The following PARD3B variants were observed in gnomAD, a reference collection of about 807,000 sequenced individuals.
PARD3B encodes the protein par-3 family cell polarity regulator beta.
A neutral mutation model predicts 130.2 loss-of-function variants in PARD3B; 103 were observed. The observed-to-expected ratio is 0.79, with a 90% CI of 0.67 to 0.93. The LOEUF (loss-of-function observed/expected upper bound fraction) is 0.93. PARD3B is among the 40% of genes least tolerant of loss of function. The pLI, the probability that PARD3B is intolerant of heterozygous loss-of-function variation, is 0.00. For missense variants in PARD3B, 1,609 were observed against 1,499.2 expected, an observed-to-expected ratio of 1.07 and a Z score of -1.21; for synonymous variants, 583 against 553.2, an observed-to-expected ratio of 1.05 and a Z score of -0.76.
At chr2:205,090,862 G>A (rs1702061312) in intron 4 of PARD3B, among the ~76,000 whole-genome samples, 1 of 152,188 alleles carries the variant, frequency 6.6e-6, no homozygotes, top group African/African-American at 2.4e-5. Flanking sequence ...AAGCTGGTTT[G>A]TAGCTCTTAG....
intron 2 of PARD3B, among the ~76,000 whole-genome samples, chr2:204,902,077 CTCCCT>C (rs1414480924): frequency 5.3e-5 from 8 of 152,202 alleles, no homozygotes; most frequent in Non-Finnish European, 5.9e-5. Flanking sequence ...GGTGCAAGTA[CTCCCT>C]TGCTGCCTGG....
intron 3 of PARD3B, among the ~76,000 whole-genome samples, chr2:205,004,644 A>T (rs1320669205): frequency 6.6e-6 from 1 of 152,208 alleles, no homozygotes; most frequent in Non-Finnish European, 1.5e-5. Context: ...TTAAGTTGCC[A>T]AGGCAATGTC....
At chr2:205,442,241 T>C (rs2047739628) in intron 20 of PARD3B, among the ~76,000 whole-genome samples, 1 of 150,518 alleles carries the variant, frequency 6.6e-6, no homozygotes, top group South Asian at 2.1e-4. Flanking sequence ...GTCCAATACA[T>C]ATGGGGAATT....
rs2039495561 is a variant in PARD3B, at chr2:205,244,694, T to G, written c.2141-1084T>G. Among the ~76,000 whole-genome samples, 1 of 152,122 alleles carries G rather than the reference T, an allele frequency of 6.6e-6. No individual in the cohort carries two copies. The highest frequency in any genetic ancestry group is 2.4e-5 in the African/African-American group (1 of 41,414). Reference sequence around the variant, plus strand: ...AAACACATTTTTTTTTTCAAAAAACTACTATAGGGCGACCCATGTTATCTA... The same window carrying G: ...AAACACATTTTTTTTTTCAAAAAACGACTATAGGGCGACCCATGTTATCTA... On this transcript the variant is annotated intron_variant, in intron 15 of 22. Coordinates refer to ENST00000406610, the MANE Select transcript of PARD3B (RefSeq NM_001302769.2). This position sits in a 1 kb window ranked among gnomAD's most constrained non-coding sequence, Gnocchi z 4.7.
chr2:205,457,487 T>A lies in PARD3B; in HGVS notation c.3044+16815T>A, dbSNP rs552931504. Among the ~76,000 whole-genome samples the A allele has an allele frequency of 2.0e-5, 3 of 152,198 alleles. No homozygotes were observed. In the East Asian group the frequency reaches 5.8e-4, roughly 29 times the overall value. ...AACAATACACTGTAATTACTGTTTA[T>A]ATGGTAAGCATTTATTTTAACTGTT... On this transcript the variant is annotated intron_variant, in intron 20 of 22. Coordinates refer to ENST00000406610, the MANE Select transcript of PARD3B (RefSeq NM_001302769.2).
At chr2:205,223,146 A>G (rs111233181) in intron 15 of PARD3B, among the ~76,000 whole-genome samples, 93 of 152,330 alleles carry the variant, frequency 6.1e-4, no homozygotes, top group African/African-American at 2.1e-3. Context: ...AACAAGAGAT[A>G]AACACAAATG....
At chr2:204,842,363 G>T (rs2044288200) in intron 2 of PARD3B, among the ~76,000 whole-genome samples, 1 of 152,122 alleles carries the variant, frequency 6.6e-6, no homozygotes, top group Admixed American at 6.5e-5. Context: ...GTATGCTACA[G>T]AATTGAGGTG....
At chr2:205,356,892 A>AAG (rs2044214186) in intron 18 of PARD3B, among the ~76,000 whole-genome samples, 1 of 133,158 alleles carries the variant, frequency 7.5e-6, no homozygotes, top group East Asian at 1.9e-4. Flanking sequence ...CTCTGTCTCA[A>AAG]AAAAAAAAAA....
At chr2:205,275,296 A>C (rs979756617) in intron 16 of PARD3B, among the ~76,000 whole-genome samples, 1 of 152,192 alleles carries the variant, frequency 6.6e-6, no homozygotes, top group African/African-American at 2.4e-5. Context: ...AGAAGACGAA[A>C]GATAATGAAA....
At chr2:204,768,732 G>T (rs2041243902) in intron 2 of PARD3B, among the ~76,000 whole-genome samples, 2 of 54,160 alleles carry the variant, frequency 3.7e-5, no homozygotes, top group African/African-American at 8.1e-5. Context: ...TTGTAAGTTG[G>T]ATTCCTAGGT....
intron 18 of PARD3B, among the ~76,000 whole-genome samples, chr2:205,343,926 G>A (rs1474831037): frequency 4.6e-5 from 7 of 152,092 alleles, no homozygotes; most frequent in East Asian, 3.9e-4. Flanking sequence ...GGAAGAAAAC[G>A]GAAATTGAAG....
intron 2 of PARD3B, among the ~76,000 whole-genome samples, chr2:204,809,053 GT>G (rs2042871897): frequency 1.3e-5 from 2 of 151,950 alleles, no homozygotes; most frequent in African/African-American, 4.8e-5. Flanking sequence ...TTTTTCATGT[GT>G]GTGTTGGCCT....
At chr2:205,472,879 C>G (rs561191434) in intron 20 of PARD3B, among the ~76,000 whole-genome samples, 26 of 151,904 alleles carry the variant, frequency 1.7e-4, no homozygotes, top group African/African-American at 5.8e-4. Flanking sequence ...AGGGGGGGAA[C>G]AGACAGAAAG....
chr2:205,217,559 C>G (rs534027486), intron 15 of PARD3B, among the ~76,000 whole-genome samples: 1 of 151,268 alleles, frequency 6.6e-6, no homozygotes, highest in African/African-American at 2.4e-5. Flanking sequence ...AGGAAGGAGA[C>G]ACCCAGAGAG....
rs2041446143 is a variant in PARD3B, at chr2:205,287,660, T to G, written c.2186-12870T>G. ...ACCAAGGAAAGCCAGGATGCTCATTTTAGATAGAATAATGGGTGCCGGCTA... is the reference window on the plus strand; with the variant it reads ...ACCAAGGAAAGCCAGGATGCTCATTGTAGATAGAATAATGGGTGCCGGCTA... On this transcript the variant is annotated intron_variant, in intron 16 of 22. Transcript: ENST00000406610. This position sits in a 1 kb window ranked among gnomAD's most constrained non-coding sequence, Gnocchi z 4.8. Among the ~76,000 whole-genome samples the G allele has an allele frequency of 6.6e-6, 1 of 152,128 alleles. No homozygotes were observed. The highest frequency in any genetic ancestry group is 2.4e-5 in the African/African-American group (1 of 41,424).
intron 2 of PARD3B, among the ~76,000 whole-genome samples, chr2:204,747,154 A>G (rs1008204925): frequency 1.3e-5 from 2 of 152,022 alleles, no homozygotes; most frequent in Non-Finnish European, 2.9e-5. Context: ...TGATTTTTGT[A>G]TAAAGTGTAA....
Position 205,288,688 on chromosome 2 carries a change from G to A in PARD3B, c.2186-11842G>A, listed in dbSNP as rs112455278. Among the ~76,000 whole-genome samples the A allele has an allele frequency of 2.0e-5, 3 of 151,826 alleles. No individual in the cohort carries two copies. Among genetic ancestry groups the A allele is most frequent in the Admixed American group, 6.6e-5 (1 of 15,238 alleles). On this transcript the variant is annotated intron_variant, in intron 16 of 22. Transcript: ENST00000406610. This position sits in a 1 kb window ranked among gnomAD's most constrained non-coding sequence, Gnocchi z 4.0. ...TTGTTACTAGTCACTCCATCCTCCCGGTGTCCCCACCCCCCAGGAGACGTG... is the reference window on the plus strand; with the variant it reads ...TTGTTACTAGTCACTCCATCCTCCCAGTGTCCCCACCCCCCAGGAGACGTG...
At position 205,203,640 on chromosome 2, in the gene PARD3B, C is replaced by G. The variant is rs556377806; in HGVS notation, c.2140+10320C>G. On this transcript the variant is annotated intron_variant, in intron 15 of 22. Coordinates refer to ENST00000406610, the MANE Select transcript of PARD3B (RefSeq NM_001302769.2). ...CCAACAGGCCCTGGTGTGTGATGTT[C>G]CTCTCCCTGTGTCCATGTGTTCTCA... Among the ~76,000 whole-genome samples, 746 of 152,120 alleles carry G rather than the reference C, an allele frequency of 4.9e-3. 6 individuals are homozygous for G. Among genetic ancestry groups the G allele is most frequent in the African/African-American group, 0.017 (710 of 41,512 alleles).
At chr2:205,005,354 C>T (rs992050716) in intron 3 of PARD3B, among the ~76,000 whole-genome samples, 4 of 152,094 alleles carry the variant, frequency 2.6e-5, no homozygotes, top group East Asian at 1.9e-4. Context: ...AATTTGAGTC[C>T]TCATTTTCCA....
Sources: gnomAD v4.1 joint callset for allele counts (sites outside exome capture counted in the v4.1 genomes callset) on GRCh38, gnomAD v4.1.1 for gene constraint, Gnocchi (gnomAD v3.1) non-coding constraint, MANE v1.5 for transcripts, NCBI Gene and HGNC (gene_info 2026-07-23, HGNC 2026-07-21) for gene names.